TINAGL1: variants seen among roughly 807,000 people sequenced by gnomAD.
TINAGL1 encodes tubulointerstitial nephritis antigen like 1.
A neutral mutation model predicts 62.0 loss-of-function variants in TINAGL1; 34 were observed. That is an observed-to-expected ratio of 0.55 (90% confidence interval 0.42 to 0.73). The LOEUF (loss-of-function observed/expected upper bound fraction) is 0.73, where lower values mean the gene tolerates loss of function less well. Ranked by LOEUF, TINAGL1 falls within the 30% of genes least tolerant of loss-of-function variation. The pLI, the probability that TINAGL1 is intolerant of heterozygous loss-of-function variation, is 0.00. For missense variants in TINAGL1, 516 were observed against 653.2 expected, an observed-to-expected ratio of 0.79 and a Z score of 2.29; for synonymous variants, 221 against 249.7, an observed-to-expected ratio of 0.88 and a Z score of 1.08.
At chr1:31,578,434 G>GGT (rs10577314) in intron 2 of TINAGL1, among the ~76,000 whole-genome samples, 7,465 of 99,734 alleles carry the variant, frequency 0.075, 409 homozygotes, top group South Asian at 0.13. Context: ...AGTGACAGCT[G>GGT]GTGTGTGTGT....
Position 31,585,521 on chromosome 1 carries a change from C to T in TINAGL1, c.1093+36C>T, listed in dbSNP as rs1312939763. ...TTATCCAGCACCCTGGTTCCAGAAG[C>T]TTGTGCCTGCTTGAGAGTGGGCACA... On this transcript the variant is annotated intron_variant, in intron 9 of 11. Coordinates refer to ENST00000271064, the MANE Select transcript of TINAGL1 (RefSeq NM_022164.3). The surrounding 1 kb of genome is among the most constrained non-coding windows in gnomAD (Gnocchi z 4.3). 1.2e-6 allele frequency: 2 copies of T among 1,612,134 alleles called. No homozygotes were observed. The highest frequency in any genetic ancestry group is 3.3e-5 in the Admixed American group (2 of 59,772).
intron 3 of TINAGL1, chr1:31,580,509 G>A (rs1639215507): frequency 7.8e-7 from 1 of 1,289,288 alleles, no homozygotes; most frequent in Non-Finnish European, 1.0e-6. Context: ...TGTGCAGAGG[G>A]GGAACAGCCT....
At chr1:31,578,581 G>GT (rs1250793303) in intron 2 of TINAGL1, among the ~76,000 whole-genome samples, 7 of 120,676 alleles carry the variant, frequency 5.8e-5, no homozygotes, top group South Asian at 2.9e-4. Context: ...GTTGTCTTCA[G>GT]TATAGCTTAA....
intron 3 of TINAGL1, among the ~76,000 whole-genome samples, chr1:31,580,088 C>A (rs1639176859): frequency 6.8e-6 from 1 of 146,628 alleles, no homozygotes; most frequent in African/African-American, 2.5e-5. Context: ...TGTGTGTGTT[C>A]AAAAGGATAA....
rs1296932966 is a variant in TINAGL1, at chr1:31,587,587, G to C, written c.*608G>C. On this transcript the variant is annotated 3_prime_UTR_variant, in exon 12 of 12. Coordinates refer to ENST00000271064, the MANE Select transcript of TINAGL1 (RefSeq NM_022164.3). The stretch of plus-strand genomic sequence containing the variant: ...CCTGCCTCCGCCTCCCAAAGTGCTG[G>C]GATTGCAGGCATGAGCCACTGCACC... The C allele has an allele frequency of 6.6e-6, 1 of 152,294 alleles. No homozygotes were observed. 9.4% of individuals were successfully genotyped at this position (152,294 alleles called of 1,614,324 possible).
At position 31,585,153 on chromosome 1, in the gene TINAGL1, T is replaced by G; in HGVS notation, c.860T>G (p.Val287Gly). The change falls in exon 8 of 12, where the codon GTG becomes GGG. Residue 287 changes from valine to glycine, a missense_variant and splice_region_variant. Val to Gly is a moderately radical substitution (Grantham distance 109, BLOSUM62 -3). Coordinates refer to ENST00000271064, the MANE Select transcript of TINAGL1 (RefSeq NM_022164.3). The surrounding 1 kb of genome is among the most constrained non-coding windows in gnomAD (Gnocchi z 4.3). Reference sequence around the variant, plus strand: ...GCTCCCTCTTGCTGCCTTTGCAGGGTGGTGTCTGACCACTGCTACCCCTTC... The same window carrying G: ...GCTCCCTCTTGCTGCCTTTGCAGGGGGGTGTCTGACCACTGCTACCCCTTC... ...GAWWFLRRRGVVSDHCYPFSG... is the reference protein window; with the variant it reads ...GAWWFLRRRGGVSDHCYPFSG... 1 of 1,574,672 alleles carries G rather than the reference T, an allele frequency of 6.4e-7. No individual in the cohort carries two copies. Among genetic ancestry groups the G allele is most frequent in the Non-Finnish European group, 8.6e-7 (1 of 1,157,654 alleles).
In TINAGL1 at chr1:31,577,618, C is replaced by T. The variant is rs889615745; in HGVS notation, c.310+160C>T. ...CTGGGAACTTTACTCTCCAGCAAGA[C>T]TGAAGAAGCTCCTTGGTTAGAATTC... is the stretch of plus-strand genomic sequence containing the variant. On this transcript the variant is annotated intron_variant, in intron 2 of 11. Transcript: ENST00000271064. This position sits in a 1 kb window ranked among gnomAD's most constrained non-coding sequence, Gnocchi z 5.4. The T allele has an allele frequency of 3.9e-6, 3 of 770,614 alleles. No individual in the cohort carries two copies. The highest frequency in any genetic ancestry group is 2.0e-5 in the South Asian group (1 of 50,170). The allele number at this position is 770,614 out of a possible 1,614,324, so 47.7% of individuals were successfully genotyped here.
In TINAGL1 at chr1:31,587,173, G is replaced by GC. The variant is rs1022198228; in HGVS notation, c.*199dup. 31 of 847,828 alleles carry GC rather than the reference G, an allele frequency of 3.7e-5. No individual in the cohort carries two copies. Among genetic ancestry groups the GC allele is most frequent in the Non-Finnish European group, 4.9e-5 (31 of 626,572 alleles). 52.5% of individuals were successfully genotyped at this position (847,828 alleles called of 1,614,324 possible). A position where few individuals can be genotyped will look rare whatever the true frequency, so the allele number is the denominator to read the frequency against. On this transcript the variant is annotated 3_prime_UTR_variant, in exon 12 of 12. Coordinates refer to ENST00000271064, the MANE Select transcript of TINAGL1 (RefSeq NM_022164.3). ...GCCGCGGGCAGGCGAGACTGGCGGA[G>GC]CCCCCAGACCTCCCAGTGGGGACGG...
intron 3 of TINAGL1, chr1:31,580,310 C>T (rs755221680): frequency 2.1e-4 from 258 of 1,257,990 alleles, no homozygotes; most frequent in Non-Finnish European, 2.5e-4. Context: ...ATGCTGGGAC[C>T]TGCTACCACC....
chr1:31,585,846 G>C lies in TINAGL1; in HGVS notation c.1187G>C (p.Arg396Pro). Residue 396 changes from arginine (R) to proline (P), a missense_variant, in exon 10 of 12, where the codon CGG (arginine) becomes CCG (proline). Physicochemically the swap from Arg to Pro is moderately radical, Grantham distance 103 (BLOSUM62 -2). Coordinates refer to ENST00000271064, the MANE Select transcript of TINAGL1 (RefSeq NM_022164.3). This position sits in a 1 kb window ranked among gnomAD's most constrained non-coding sequence, Gnocchi z 4.3. ...VSLGRPERYRRHGTHSVKITG... is the reference protein window; with the variant it reads ...VSLGRPERYRPHGTHSVKITG... ...CTTGGGAGGCCAGAGAGATACCGCCGGCATGGGACCCACTCAGTCAAGATC... is the reference window on the plus strand; with the variant it reads ...CTTGGGAGGCCAGAGAGATACCGCCCGCATGGGACCCACTCAGTCAAGATC... The C allele has an allele frequency of 6.2e-7, 1 of 1,604,634 alleles. No homozygotes were observed. Among genetic ancestry groups the C allele is most frequent in the Non-Finnish European group, 8.5e-7 (1 of 1,175,278 alleles).
rs1639344013 is a variant in TINAGL1 at position 31,584,873 on chromosome 1, C to T, written c.707-13C>T. The T allele has an allele frequency of 6.2e-7, 1 of 1,612,126 alleles. No individual in the cohort carries two copies. The highest frequency in any genetic ancestry group is 8.5e-7 in the Non-Finnish European group (1 of 1,178,286). ...CTGAGCCTCCCGACAGCCCCTCTAT[C>T]TCACCCCACCAGCTGTGGCATCCGA... On this transcript the variant is annotated splice_polypyrimidine_tract_variant and intron_variant, in intron 6 of 11. Coordinates refer to ENST00000271064, the MANE Select transcript of TINAGL1 (RefSeq NM_022164.3). The surrounding 1 kb of genome is among the most constrained non-coding windows in gnomAD (Gnocchi z 4.0).
chr1:31,579,370 C>T, intron 3 of TINAGL1, 103 bp downstream of exon 3: 1 of 1,043,014 alleles, frequency 9.6e-7, no homozygotes. Context: ...GAAGTCTTTT[C>T]CCTTCTTTGA....
rs937483688 is a variant in TINAGL1 at position 31,587,322 on chromosome 1, CTT to C, written c.*358_*359del. 2.7e-3 allele frequency: 411 copies of C among 150,386 alleles called. No individual in the cohort carries two copies. Among genetic ancestry groups the C allele is most frequent in the Middle Eastern group, 0.014 (5 of 352 alleles). The allele number at this position is 150,386 out of a possible 1,614,324, so 9.3% of individuals were successfully genotyped here. On this transcript the variant is annotated 3_prime_UTR_variant, in exon 12 of 12. Coordinates refer to ENST00000271064, the MANE Select transcript of TINAGL1 (RefSeq NM_022164.3). ...CACTACCCCACCCCACTCCTGTATTCTTTTTTTTTTTTTTTTAGACAGGGTCT... is the reference window on the plus strand; with the variant it reads ...CACTACCCCACCCCACTCCTGTATTCTTTTTTTTTTTTTTAGACAGGGTCT...
chr1:31,577,484 T>C lies in TINAGL1; in HGVS notation c.310+26T>C. On this transcript the variant is annotated intron_variant, in intron 2 of 11. Transcript: ENST00000271064. This position sits in a 1 kb window ranked among gnomAD's most constrained non-coding sequence, Gnocchi z 5.4. ...GTGGGCACTAAGATGGCCAGGAGGG[T>C]GGGTCACTTTGTCCACCTCAGACTC... is the stretch of plus-strand genomic sequence containing the variant. The C allele has an allele frequency of 1.3e-6, 2 of 1,582,212 alleles. No homozygotes were observed. Among genetic ancestry groups the C allele is most frequent in the Non-Finnish European group, 1.7e-6 (2 of 1,162,932 alleles).
Position 31,583,449 on chromosome 1 carries a change from C to T in TINAGL1, c.468-12C>T. ...GCAGATCTGTGACTTCCTTCCGTCC[C>T]CTCTCCTTCAGCTGGCAGGCTGGGA... On this transcript the variant is annotated splice_polypyrimidine_tract_variant and intron_variant, in intron 4 of 11. Coordinates refer to ENST00000271064, the MANE Select transcript of TINAGL1 (RefSeq NM_022164.3). The surrounding 1 kb of genome is among the most constrained non-coding windows in gnomAD (Gnocchi z 4.4). 4.3e-6 allele frequency: 7 copies of T among 1,611,784 alleles called. No homozygotes were observed. Among genetic ancestry groups the T allele is most frequent in the Non-Finnish European group, 5.9e-6 (7 of 1,178,900 alleles).
chr1:31,578,488 G>A (rs1337969211), intron 2 of TINAGL1, among the ~76,000 whole-genome samples: 1 of 146,150 alleles, frequency 6.8e-6, no homozygotes, highest in East Asian at 2.1e-4. Flanking sequence ...TAATTTCAGT[G>A]AGAGCTGGTA....
intron 3 of TINAGL1, among the ~76,000 whole-genome samples, chr1:31,581,041 A>C (rs1461855594): frequency 1.3e-5 from 2 of 152,188 alleles, no homozygotes; most frequent in Non-Finnish European, 2.9e-5. Context: ...ACCAGGGAGA[A>C]GGATAGGAGA....
chr1:31,580,219 CTCTCTCTGTCTCTCTCTG>C, intron 3 of TINAGL1: 5 of 820,666 alleles, frequency 6.1e-6, no homozygotes, highest in South Asian at 2.2e-5. Context: ...CTCTGTCTCT[CTCTCTCTGTCTCTCTCTG>C]TCTCTCTCTC....
At chr1:31,582,015 C>A (rs1276426583) in intron 3 of TINAGL1, among the ~76,000 whole-genome samples, 1 of 152,204 alleles carries the variant, frequency 6.6e-6, no homozygotes, top group African/African-American at 2.4e-5. Context: ...GAATTTACAG[C>A]CTATGAGGAA....
Sources: gnomAD v4.1 joint callset for allele counts (sites outside exome capture counted in the v4.1 genomes callset) on GRCh38, gnomAD v4.1.1 for gene constraint, Gnocchi (gnomAD v3.1) non-coding constraint, MANE v1.5 for transcripts, NCBI Gene and HGNC (gene_info 2026-07-23, HGNC 2026-07-21) for gene names.